Variants in KIF25 observed in about 807,000 individuals in gnomAD.
KIF25 encodes kinesin family member 25, also known as kinesin-like protein KIF25.
A neutral mutation model predicts 32.9 loss-of-function variants in KIF25; 19 were observed. The observed-to-expected ratio is 0.58, with a 90% confidence interval of 0.40 to 0.85. The LOEUF is 0.85. Ranked by LOEUF, KIF25 falls within the 40% of genes least tolerant of loss-of-function variation. The probability of loss-of-function intolerance (pLI) is 0.00; values close to 1 mark genes in which losing one functional copy is unlikely to be tolerated. For missense variants in KIF25, 485 were observed against 507.0 expected (o/e 0.96, Z 0.42); for synonymous variants, 225 against 213.7 (o/e 1.05, Z -0.46).
chr6:168,021,224 AT>A (rs1431921383), intron 5 of KIF25, among the ~76,000 whole-genome samples: 1 of 152,190 alleles, frequency 6.6e-6, no homozygotes, highest in Admixed American at 6.5e-5. Flanking sequence ...TGTCCTCTTA[AT>A]TTATAGTATT....
chr6:168,006,547 C>A (rs968187804), intron 4 of KIF25, among the ~76,000 whole-genome samples: 2 of 152,124 alleles, frequency 1.3e-5, no homozygotes, highest in Admixed American at 6.6e-5. Context: ...GTGCTGTTTC[C>A]CCCATTTCTG....
chr6:168,022,885 C>T (rs76592880), intron 5 of KIF25, among the ~76,000 whole-genome samples: 1,843 of 150,680 alleles, frequency 0.012, 40 homozygotes, highest in African/African-American at 0.043. Flanking sequence ...TTTCAGGTAA[C>T]GTTTGTGGTT....
At chr6:168,006,405 G>C (rs569571076) in intron 4 of KIF25, among the ~76,000 whole-genome samples, 1 of 152,116 alleles carries the variant, frequency 6.6e-6, no homozygotes, top group East Asian at 1.9e-4. Flanking sequence ...GCAATACAAC[G>C]ATCTGTTGTC....
chr6:168,028,030 C>G (rs908558534), intron 5 of KIF25, among the ~76,000 whole-genome samples: 2 of 152,018 alleles, frequency 1.3e-5, no homozygotes, highest in African/African-American at 4.8e-5. Flanking sequence ...CAGAAGAACC[C>G]CCCTGTGGAC....
At chr6:168,038,482 C>T in intron 8 of KIF25, 71 bp from the exon 9 acceptor site, 1 of 1,502,608 alleles carries the variant, frequency 6.7e-7, no homozygotes, top group Non-Finnish European at 9.2e-7. Flanking sequence ...GCGTCTGGGG[C>T]TATGATTGGC....
rs533252319 is a variant in KIF25, at chr6:167,997,933, C to T, written c.-1536C>T. ...GAGGTTCTCCAGCTGTTAGATGTGT[C>T]AAAGAATAATTCTCATTTTAAGCAT... On this transcript the variant is annotated 5_prime_UTR_variant, in exon 1 of 13. An upstream open reading frame in the 5' UTR gains an earlier in-frame stop. Transcript: ENST00000643607. Among the ~76,000 whole-genome samples the T allele has an allele frequency of 6.6e-6, 1 of 152,162 alleles. No individual in the cohort carries two copies. The highest frequency in any genetic ancestry group is 1.5e-5 in the Non-Finnish European group (1 of 68,036).
intron 8 of KIF25, among the ~76,000 whole-genome samples, chr6:168,037,703 C>G (rs1288890037): frequency 6.6e-6 from 1 of 152,012 alleles, no homozygotes; most frequent in Non-Finnish European, 1.5e-5. Flanking sequence ...TTCCTACAAG[C>G]CAGTGCATAG....
At chr6:168,020,663 C>T (rs1042246903) in intron 5 of KIF25, among the ~76,000 whole-genome samples, 4 of 152,028 alleles carry the variant, frequency 2.6e-5, no homozygotes, top group Non-Finnish European at 4.4e-5. Flanking sequence ...CAGGCAGCCT[C>T]TAAGTTACAT....
intron 4 of KIF25, among the ~76,000 whole-genome samples, chr6:168,007,284 C>T (rs919802488): frequency 3.4e-4 from 52 of 152,034 alleles, no homozygotes; most frequent in Middle Eastern, 3.2e-3. Flanking sequence ...TGGTGGTGGG[C>T]GCCTGTAGTC....
At chr6:168,026,246 C>T (rs1266943850) in intron 5 of KIF25, among the ~76,000 whole-genome samples, 1 of 152,138 alleles carries the variant, frequency 6.6e-6, no homozygotes, top group Non-Finnish European at 1.5e-5. Context: ...GGAAGTGGAG[C>T]AGCACAGTTC....
chr6:168,045,061 T>G lies in KIF25; in HGVS notation c.*65T>G, dbSNP rs558571824. ...TCCTTGCTTTATAATGCATATGTGCTTAGAAATAAACAGGTTTCACGTGGA... is the reference window on the plus strand; with the variant it reads ...TCCTTGCTTTATAATGCATATGTGCGTAGAAATAAACAGGTTTCACGTGGA... On this transcript the variant is annotated 3_prime_UTR_variant, in exon 13 of 13. Transcript: ENST00000643607. 2 of 1,463,774 alleles carry G rather than the reference T, an allele frequency of 1.4e-6. No individual in the cohort carries two copies. The highest frequency in any genetic ancestry group is 4.7e-5 in the East Asian group (2 of 42,308). The allele number at this position is 1,463,774 out of a possible 1,614,324, so 90.7% of individuals were successfully genotyped here. A position where few individuals can be genotyped will look rare whatever the true frequency, so the allele number is the denominator to read the frequency against.
intron 5 of KIF25, among the ~76,000 whole-genome samples, chr6:168,024,632 G>C (rs992933773): frequency 6.6e-6 from 1 of 151,852 alleles, no homozygotes; most frequent in African/African-American, 2.4e-5. Flanking sequence ...ATCAAAATAG[G>C]TGACATAATT....
chr6:168,031,939 G>A (rs112458270), intron 7 of KIF25, among the ~76,000 whole-genome samples: 19 of 152,288 alleles, frequency 1.2e-4, no homozygotes, highest in African/African-American at 3.8e-4. Flanking sequence ...GTGGTCGGGC[G>A]CAGCTTGGTT....
chr6:168,041,224 A>C (rs901351979), intron 10 of KIF25, among the ~76,000 whole-genome samples: 4 of 152,208 alleles, frequency 2.6e-5, no homozygotes, highest in Admixed American at 1.3e-4. Flanking sequence ...GTGGCACTTG[A>C]AACATTTGGC....
chr6:168,001,219 C>T (rs968177304), intron 2 of KIF25, among the ~76,000 whole-genome samples: 13 of 152,198 alleles, frequency 8.5e-5, no homozygotes, highest in African/African-American at 2.4e-4. Flanking sequence ...TTCATATTTT[C>T]GAATGTTCGT....
In KIF25 at chr6:167,997,798, G is replaced by C. The variant is rs763105663; in HGVS notation, c.-1671G>C. Reference sequence around the variant, plus strand: ...GATTGAGTGGGTGACCCTCGCTTCTGTGAGGTTTGATTTTGATGGTTGCAC... The same window carrying C: ...GATTGAGTGGGTGACCCTCGCTTCTCTGAGGTTTGATTTTGATGGTTGCAC... On this transcript the variant is annotated 5_prime_UTR_variant, in exon 1 of 13. Coordinates refer to ENST00000643607, the MANE Select transcript of KIF25 (RefSeq NM_030615.4). Among the ~76,000 whole-genome samples, 1 of 152,114 alleles carries C rather than the reference G, an allele frequency of 6.6e-6. No homozygotes were observed. The highest frequency in any genetic ancestry group is 2.1e-4 in the South Asian group (1 of 4,824).
At chr6:168,038,472 G>T in intron 8 of KIF25, 81 bp from the exon 9 acceptor site, 1 of 1,407,568 alleles carries the variant, frequency 7.1e-7, no homozygotes, top group Non-Finnish European at 9.9e-7. Context: ...ATCCTGTAGG[G>T]CGTCTGGGGC....
At chr6:168,014,000 A>AATATATATAT (rs56286678) in intron 4 of KIF25, among the ~76,000 whole-genome samples, 1,576 of 149,108 alleles carry the variant, frequency 0.011, 13 homozygotes, top group Non-Finnish European at 0.015. Flanking sequence ...CCACCATGCA[A>AATATATATAT]ATATATATAT....
chr6:168,039,979 C>T, intron 9 of KIF25, 86 bp from the exon 10 acceptor site: 1 of 1,473,002 alleles, frequency 6.8e-7, no homozygotes, highest in Admixed American at 2.2e-5. Context: ...ATGTGAGAGG[C>T]TTCCCTGAGC....
Sources: allele counts gnomAD v4.1 joint callset (sites outside exome capture counted in the v4.1 genomes callset), GRCh38; gene constraint gnomAD v4.1.1; transcripts MANE v1.5; gene names NCBI Gene and HGNC (gene_info 2026-07-23, HGNC 2026-07-21).